ZNF385D: variants seen among roughly 807,000 people sequenced by gnomAD.
The protein encoded by ZNF385D is zinc finger protein 385D.
ZNF385D carries 15 observed loss-of-function variants against 35.8 expected under a neutral mutation model. That is an observed-to-expected ratio of 0.42 (90% confidence interval 0.28 to 0.64). The LOEUF (loss-of-function observed/expected upper bound fraction) is 0.64. ZNF385D is among the 30% of genes least tolerant of loss of function. ZNF385D has a pLI of 0.23. For missense variants in ZNF385D, 474 were observed against 494.6 expected (o/e 0.96, Z 0.39); for synonymous variants, 212 against 186.8 (o/e 1.13, Z -1.10).
At chr3:21,457,436 A>G (rs747702315) in intron 4 of ZNF385D, among the ~76,000 whole-genome samples, 7 of 151,842 alleles carry the variant, frequency 4.6e-5, no homozygotes, top group Non-Finnish European at 1.0e-4. Flanking sequence ...GCTCACTGCA[A>G]TCTCCACCTC....
At chr3:21,925,355 T>C (rs1327462152) in intron 3 of ZNF385D, among the ~76,000 whole-genome samples, 1 of 152,144 alleles carries the variant, frequency 6.6e-6, no homozygotes, top group East Asian at 1.9e-4. Flanking sequence ...GCCTAACCAA[T>C]TTTTAACAAA....
intron 2 of ZNF385D, among the ~76,000 whole-genome samples, chr3:22,196,506 T>C (rs1220532937): frequency 6.6e-6 from 1 of 152,108 alleles, no homozygotes; most frequent in Non-Finnish European, 1.5e-5. Flanking sequence ...TTGACTGAAC[T>C]ATTTTGTTTT....
intron 3 of ZNF385D, among the ~76,000 whole-genome samples, chr3:21,862,153 T>A (rs1697087859): frequency 6.6e-6 from 1 of 152,102 alleles, no homozygotes; most frequent in Non-Finnish European, 1.5e-5. Context: ...CACTTTTCCA[T>A]ATTGATATCA....
chr3:22,107,793 T>A (rs990504892), intron 3 of ZNF385D, among the ~76,000 whole-genome samples: 1 of 152,026 alleles, frequency 6.6e-6, no homozygotes, highest in African/African-American at 2.4e-5. Context: ...TGTAGTGTGG[T>A]ATTAATAGTG....
At chr3:21,758,570 C>G (rs568973808) in intron 3 of ZNF385D, among the ~76,000 whole-genome samples, 1 of 152,070 alleles carries the variant, frequency 6.6e-6, no homozygotes, top group African/African-American at 2.4e-5. Flanking sequence ...AAAAACAGAA[C>G]GTTCAGGCAG....
chr3:22,287,870 TCTTTTA>T, intron 2 of ZNF385D, among the ~76,000 whole-genome samples: 1 of 152,212 alleles, frequency 6.6e-6, no homozygotes, highest in Non-Finnish European at 1.5e-5. Flanking sequence ...TCACATGTTT[TCTTTTA>T]CTAATTTGCA....
chr3:22,190,856 G>A (rs1039870494), intron 2 of ZNF385D, among the ~76,000 whole-genome samples: 1 of 151,742 alleles, frequency 6.6e-6, no homozygotes, highest in Non-Finnish European at 1.5e-5. Context: ...AGTTTAACAT[G>A]ATAAATCACA....
chr3:21,587,248 A>G (rs2063839132), intron 2 of ZNF385D, among the ~76,000 whole-genome samples: 1 of 152,178 alleles, frequency 6.6e-6, no homozygotes, highest in African/African-American at 2.4e-5. Flanking sequence ...TTTAGAAAAA[A>G]ATAATTTGGA....
At chr3:21,770,010 G>T (rs2071006680) in intron 3 of ZNF385D, among the ~76,000 whole-genome samples, 1 of 152,124 alleles carries the variant, frequency 6.6e-6, no homozygotes, top group African/African-American at 2.4e-5. Context: ...TTTACAAATG[G>T]TGCTGGGAAA....
intron 3 of ZNF385D, among the ~76,000 whole-genome samples, chr3:22,034,721 A>G (rs1339177441): frequency 6.6e-6 from 1 of 152,204 alleles, no homozygotes; most frequent in African/African-American, 2.4e-5. Context: ...ATAATTTCAC[A>G]AATGTTTTAA....
intron 3 of ZNF385D, among the ~76,000 whole-genome samples, chr3:21,967,752 G>A (rs1361804110): frequency 1.3e-5 from 2 of 152,240 alleles, no homozygotes; most frequent in Non-Finnish European, 2.9e-5. Context: ...TAGGACTTGA[G>A]TGACCAAAAT....
At chr3:21,909,136 C>T (rs762122578) in intron 3 of ZNF385D, among the ~76,000 whole-genome samples, 36 of 152,126 alleles carry the variant, frequency 2.4e-4, no homozygotes, top group Admixed American at 1.2e-3. Context: ...CTTTAAATAA[C>T]TTATCTTCCT....
chr3:21,584,239 A>AAAGT (rs1238795433), intron 2 of ZNF385D, among the ~76,000 whole-genome samples: 13 of 152,104 alleles, frequency 8.5e-5, no homozygotes, highest in African/African-American at 3.1e-4. Flanking sequence ...TTGGCCTCCC[A>AAAGT]AAGTGCTGGG....
chr3:22,226,323 G>C (rs1211647843), intron 2 of ZNF385D, among the ~76,000 whole-genome samples: 1 of 152,054 alleles, frequency 6.6e-6, no homozygotes, highest in Non-Finnish European at 1.5e-5. Context: ...CGACAGACCA[G>C]TGGAATCTTA....
chr3:22,023,499 C>T (rs11918720), intron 3 of ZNF385D, among the ~76,000 whole-genome samples: 2 of 152,084 alleles, frequency 1.3e-5, no homozygotes, highest in African/African-American at 4.8e-5. Flanking sequence ...TACATCAAAA[C>T]CCATCTTTGC....
intron 2 of ZNF385D, among the ~76,000 whole-genome samples, chr3:22,219,490 G>C (rs1698118463): frequency 6.6e-6 from 1 of 152,060 alleles, no homozygotes; most frequent in South Asian, 2.1e-4. Flanking sequence ...GGTCATGCTA[G>C]AATTTAATAA....
At chr3:21,433,040 GAGAA>G (rs1701374391) in intron 5 of ZNF385D, among the ~76,000 whole-genome samples, 1 of 152,060 alleles carries the variant, frequency 6.6e-6, no homozygotes, top group Non-Finnish European at 1.5e-5. Flanking sequence ...AACAGAGAAA[GAGAA>G]AGAGAGATAG....
intron 4 of ZNF385D, among the ~76,000 whole-genome samples, chr3:21,494,845 A>T (rs1705705264): frequency 6.6e-6 from 1 of 152,190 alleles, no homozygotes; most frequent in African/African-American, 2.4e-5. Flanking sequence ...ATTTCATCAA[A>T]GGATTTATTT....
chr3:21,540,927 A>G (rs79652428), intron 3 of ZNF385D, among the ~76,000 whole-genome samples: 1 of 152,180 alleles, frequency 6.6e-6, no homozygotes, highest in Admixed American at 6.5e-5. Context: ...TATCAGATTC[A>G]ATTTATATCA....
Sources: allele counts gnomAD v4.1 joint callset (sites outside exome capture counted in the v4.1 genomes callset), GRCh38; gene constraint gnomAD v4.1.1; transcripts MANE v1.5; gene names NCBI Gene and HGNC (gene_info 2026-07-23, HGNC 2026-07-21).